The following ABHD6 variants were observed in gnomAD, a reference collection of about 807,000 sequenced individuals.
The protein encoded by ABHD6 is monoacylglycerol lipase ABHD6.
In ABHD6, 33 loss-of-function variants were observed where a neutral mutation model predicts 38.8. The observed-to-expected ratio is 0.85, with a 90% CI of 0.64 to 1.14. The LOEUF (loss-of-function observed/expected upper bound fraction) is 1.14. Ranked by LOEUF, ABHD6 falls within the 50% of genes most tolerant of loss-of-function variation. The pLI, the probability that ABHD6 is intolerant of heterozygous loss-of-function variation, is 0.00. For synonymous variants in ABHD6, 147 were observed against 161.6 expected (o/e 0.91, Z 0.69); for missense variants, 380 against 422.6 (o/e 0.90, Z 0.88).
chr3:58,285,952 C>T lies in ABHD6; in HGVS notation c.837+499C>T, dbSNP rs138518697. Reference sequence around the variant, plus strand: ...TCCCAGGTTCAAGCGATTCTCCTGCCTCAGCCTCCCAAGTAGCTGGGATTA... The same window carrying T: ...TCCCAGGTTCAAGCGATTCTCCTGCTTCAGCCTCCCAAGTAGCTGGGATTA... On this transcript the variant is annotated intron_variant, in intron 9 of 9. Coordinates refer to ENST00000478253, the MANE Select transcript of ABHD6 (RefSeq NM_001320126.2). The surrounding 1 kb of genome is among the most constrained non-coding windows in gnomAD (Gnocchi z 4.9). 0.019 allele frequency among the ~76,000 whole-genome samples: 2,840 copies of T among 152,098 alleles called. 76 individuals are homozygous for T. The highest frequency in any genetic ancestry group is 0.064 in the African/African-American group (2,666 of 41,442).
intron 3 of ABHD6, among the ~76,000 whole-genome samples, chr3:58,262,371 A>C (rs1178316094): frequency 6.6e-6 from 1 of 152,198 alleles, no homozygotes; most frequent in Non-Finnish European, 1.5e-5. Context: ...TTTTCTTCAG[A>C]AGTTCCCGTT....
At chr3:58,286,844 G>GTATATATATA (rs1553721712) in intron 9 of ABHD6, among the ~76,000 whole-genome samples, 1 of 50,064 alleles carries the variant, frequency 2.0e-5, no homozygotes, top group African/African-American at 1.1e-4. Flanking sequence ...GTGTGTGTGT[G>GTATATATATA]TGTGTGTGTA....
chr3:58,256,533 A>AATG lies in ABHD6; in HGVS notation c.-25-27_-25-26insGAT. 1 of 1,329,970 alleles carries AATG rather than the reference A, an allele frequency of 7.5e-7. No individual in the cohort carries two copies. Among genetic ancestry groups the AATG allele is most frequent in the South Asian group, 1.2e-5 (1 of 80,880 alleles). The allele number at this position is 1,329,970 out of a possible 1,614,324, so 82.4% of individuals were successfully genotyped here. ...CTTTTTTCCTTTGATACAGAGTTTT[A>AATG]ATATCGTCATTCTCTTTGGCCCCTG... On this transcript the variant is annotated intron_variant, in intron 2 of 9. Transcript: ENST00000478253. This position sits in a 1 kb window ranked among gnomAD's most constrained non-coding sequence, Gnocchi z 4.3.
chr3:58,288,234 A>G (rs1188830821), intron 9 of ABHD6, among the ~76,000 whole-genome samples: 1 of 152,120 alleles, frequency 6.6e-6, no homozygotes, highest in East Asian at 1.9e-4. Flanking sequence ...TTGGTGTCAC[A>G]GCACCTGCCC....
chr3:58,256,528 GTTTT>G lies in ABHD6; in HGVS notation c.-25-33_-25-30del. On this transcript the variant is annotated intron_variant, in intron 2 of 9. Transcript: ENST00000478253. This position sits in a 1 kb window ranked among gnomAD's most constrained non-coding sequence, Gnocchi z 4.3. ...TTCGCCTTTTTTCCTTTGATACAGA[GTTTT>G]AATATCGTCATTCTCTTTGGCCCCT... 7.7e-7 allele frequency: 1 copy of G among 1,306,038 alleles called. No homozygotes were observed. Among genetic ancestry groups the G allele is most frequent in the South Asian group, 1.2e-5 (1 of 80,072 alleles). 80.9% of individuals were successfully genotyped at this position (1,306,038 alleles called of 1,614,324 possible). A position where few individuals can be genotyped will look rare whatever the true frequency, so the allele number is the denominator to read the frequency against.
intron 3 of ABHD6, chr3:58,258,272 A>C (rs748794195): frequency 3.9e-5 from 14 of 355,662 alleles, no homozygotes; most frequent in Non-Finnish European, 7.4e-5. Flanking sequence ...GCGCCATTGC[A>C]CTCCAGCCTG....
chr3:58,270,847 A>G, intron 5 of ABHD6, 85 bp from the exon 6 acceptor site: 2 of 1,420,590 alleles, frequency 1.4e-6, no homozygotes, highest in Non-Finnish European at 1.9e-6. Flanking sequence ...TGTCCATAGG[A>G]AGTCCAGGGG....
chr3:58,274,372 C>T (rs943227381), intron 6 of ABHD6, among the ~76,000 whole-genome samples: 1 of 152,186 alleles, frequency 6.6e-6, no homozygotes, highest in Non-Finnish European at 1.5e-5. Flanking sequence ...GTTCAAGAGG[C>T]TCAGGGAGGA....
chr3:58,283,172 T>G (rs1254704099), intron 7 of ABHD6, among the ~76,000 whole-genome samples: 2 of 152,180 alleles, frequency 1.3e-5, no homozygotes, highest in African/African-American at 4.8e-5. Flanking sequence ...ACCCAGAATC[T>G]GATGCTGTGG....
At chr3:58,278,489 CT>C (rs906659246) in intron 7 of ABHD6, among the ~76,000 whole-genome samples, 9 of 152,122 alleles carry the variant, frequency 5.9e-5, no homozygotes, top group African/African-American at 2.2e-4. Context: ...ATTCTTCTCT[CT>C]TTTCTTCTTT....
chr3:58,292,242 G>A (rs770123012), intron 9 of ABHD6, among the ~76,000 whole-genome samples: 1 of 152,160 alleles, frequency 6.6e-6, no homozygotes, highest in Non-Finnish European at 1.5e-5. Flanking sequence ...ACTCCCCAGT[G>A]GGCAGAAAAT....
chr3:58,244,901 A>G (rs1034430748), intron 1 of ABHD6, among the ~76,000 whole-genome samples: 6 of 152,318 alleles, frequency 3.9e-5, no homozygotes, highest in Non-Finnish European at 8.8e-5. Context: ...ACTTTTAACT[A>G]TGAAATTCTG....
chr3:58,240,190 CTAG>C (rs1559767859), intron 1 of ABHD6, among the ~76,000 whole-genome samples: 1 of 151,848 alleles, frequency 6.6e-6, no homozygotes, highest in East Asian at 1.9e-4. Context: ...AGTGTTTATC[CTAG>C]TAGGCTAGCT....
chr3:58,255,564 A>T (rs1050898509), intron 2 of ABHD6, among the ~76,000 whole-genome samples: 1 of 151,200 alleles, frequency 6.6e-6, no homozygotes, highest in Non-Finnish European at 1.5e-5. Context: ...GGCTCAAGTG[A>T]TCCTCCCACC....
chr3:58,291,405 G>A (rs1186257588), intron 9 of ABHD6, among the ~76,000 whole-genome samples: 14 of 151,894 alleles, frequency 9.2e-5, no homozygotes, highest in African/African-American at 3.4e-4. Context: ...GAGAGGGAGA[G>A]GGAGAGGGAG....
At chr3:58,262,269 T>C (rs746659484) in intron 3 of ABHD6, among the ~76,000 whole-genome samples, 18 of 152,234 alleles carry the variant, frequency 1.2e-4, no homozygotes, top group Non-Finnish European at 2.4e-4. Context: ...AGTTTTACAA[T>C]GTTGTGTAAT....
chr3:58,274,920 T>C, intron 7 of ABHD6, 105 bp downstream of exon 7: 1 of 1,357,256 alleles, frequency 7.4e-7, no homozygotes, highest in Non-Finnish European at 1.0e-6. Context: ...TGACTACTTC[T>C]TGTCCTCTTC....
chr3:58,286,852 G>GTATGTATA, intron 9 of ABHD6, among the ~76,000 whole-genome samples: 1 of 70,644 alleles, frequency 1.4e-5, no homozygotes, highest in South Asian at 7.3e-4. Context: ...GTGTGTGTGT[G>GTATGTATA]TATATATATA....
intron 9 of ABHD6, among the ~76,000 whole-genome samples, chr3:58,291,392 G>GGGGAGA (rs546808644): frequency 3.4e-4 from 51 of 151,866 alleles, no homozygotes; most frequent in Admixed American, 1.1e-3. Context: ...GGGAGACCGT[G>GGGGAGA]GGGAGAGGGA....
Sources: gnomAD v4.1 joint callset for allele counts (sites outside exome capture counted in the v4.1 genomes callset) on GRCh38, gnomAD v4.1.1 for gene constraint, Gnocchi (gnomAD v3.1) non-coding constraint, MANE v1.5 for transcripts, NCBI Gene and HGNC (gene_info 2026-07-23, HGNC 2026-07-21) for gene names.